Variants in MLLT10 observed in about 807,000 individuals in gnomAD.
The protein encoded by MLLT10 is protein AF-10.
MLLT10 carries 30 observed loss-of-function variants against 129.1 expected under a neutral mutation model. The ratio of observed to expected loss-of-function variants is 0.23; its 90% CI spans 0.17 to 0.32. The LOEUF is 0.32. Among genes scored for constraint, MLLT10 ranks in the 10% least tolerant of loss-of-function variants. MLLT10 has a pLI of 1.00. For missense variants in MLLT10, 1,119 were observed against 1,268.3 expected, an observed-to-expected ratio of 0.88 and a Z score of 1.79; for synonymous variants, 490 against 446.4, an observed-to-expected ratio of 1.10 and a Z score of -1.23.
intron 3 of MLLT10, among the ~76,000 whole-genome samples, chr10:21,554,820 CTT>C (rs1588900332): frequency 6.6e-6 from 1 of 150,838 alleles, no homozygotes; most frequent in East Asian, 2.0e-4. Flanking sequence ...GTTTTTCTTT[CTT>C]TCTTTCTTTT....
rs531570323 is a variant in MLLT10, at chr10:21,588,295, G to A, written c.295+1947G>A. On this transcript the variant is annotated intron_variant, in intron 4 of 22. Coordinates refer to ENST00000307729, the MANE Select transcript of MLLT10 (RefSeq NM_001195626.3). Reference sequence around the variant, plus strand: ...TTGGCCAGGCTGGTGTTGAACTCCTGACCTCAAATGATCCTACTGCCTCGG... The same window carrying A: ...TTGGCCAGGCTGGTGTTGAACTCCTAACCTCAAATGATCCTACTGCCTCGG... Among the ~76,000 whole-genome samples, 7 of 152,240 alleles carry A rather than the reference G, an allele frequency of 4.6e-5. No individual in the cohort carries two copies. In the South Asian group the frequency reaches 1.5e-3, roughly 32 times the overall value.
chr10:21,575,680 T>C (rs929858611), intron 3 of MLLT10, among the ~76,000 whole-genome samples: 2 of 152,174 alleles, frequency 1.3e-5, no homozygotes, highest in African/African-American at 4.8e-5. Context: ...TAGATTATTA[T>C]TATTATTTTT....
chr10:21,660,871 C>CAAA (rs770411226), intron 9 of MLLT10, among the ~76,000 whole-genome samples: 6 of 81,376 alleles, frequency 7.4e-5, no homozygotes, highest in African/African-American at 1.6e-4. Flanking sequence ...AACTCTGTCT[C>CAAA]AAAAAAAAAA....
Position 21,586,846 on chromosome 10 carries a change from C to A in MLLT10, c.295+498C>A, listed in dbSNP as rs113177460. Among the ~76,000 whole-genome samples, 204 of 151,564 alleles carry A rather than the reference C, an allele frequency of 1.3e-3. 2 individuals carry two copies. Among genetic ancestry groups the A allele is most frequent in the African/African-American group, 4.6e-3 (191 of 41,288 alleles). On this transcript the variant is annotated intron_variant, in intron 4 of 22. Coordinates refer to ENST00000307729, the MANE Select transcript of MLLT10 (RefSeq NM_001195626.3). ...AGGTTGCAGTGAGCTGAGATTATAC[C>A]ATTGCCCATTAGCCTGCGTGACAGA...
chr10:21,683,319 A>G (rs72802914), intron 13 of MLLT10, among the ~76,000 whole-genome samples: 4,350 of 152,222 alleles, frequency 0.029, 86 homozygotes, highest in Middle Eastern at 0.085. Context: ...GATAATGAAT[A>G]CTCTTGATAA....
chr10:21,534,481 C>G lies in MLLT10; in HGVS notation c.-40C>G. ...GAATCAGCAAGGACATGGCTCCTGACTCCTGTGCGGAACGTGAGTGACTGA... is the reference window on the plus strand; with the variant it reads ...GAATCAGCAAGGACATGGCTCCTGAGTCCTGTGCGGAACGTGAGTGACTGA... On this transcript the variant is annotated 5_prime_UTR_variant, in exon 1 of 23. Coordinates refer to ENST00000307729, the MANE Select transcript of MLLT10 (RefSeq NM_001195626.3). The G allele has an allele frequency of 1.5e-6, 1 of 665,286 alleles. No homozygotes were observed. The allele number at this position is 665,286 out of a possible 1,614,324, so 41.2% of individuals were successfully genotyped here.
intron 2 of MLLT10, 82 bp downstream of exon 2, chr10:21,534,886 C>T (rs969668331): frequency 7.2e-5 from 72 of 997,828 alleles, no homozygotes; most frequent in South Asian, 5.5e-4. Context: ...CAACCGCCGG[C>T]GCCCCCGCCC....
chr10:21,675,793 G>A (rs997984333), intron 11 of MLLT10, among the ~76,000 whole-genome samples: 2 of 151,996 alleles, frequency 1.3e-5, no homozygotes, highest in Non-Finnish European at 2.9e-5. Context: ...GCATAGTCTG[G>A]GAATTCCTGA....
chr10:21,626,159 C>G, intron 8 of MLLT10: 3 of 1,610,048 alleles, frequency 1.9e-6, no homozygotes, highest in Non-Finnish European at 2.5e-6. Context: ...TAAAAATGCA[C>G]TTTTGTTCTG....
intron 3 of MLLT10, among the ~76,000 whole-genome samples, chr10:21,540,786 A>G (rs2035011437): frequency 6.6e-6 from 1 of 152,178 alleles, no homozygotes; most frequent in Non-Finnish European, 1.5e-5. Context: ...CTGAAGGTAG[A>G]GAACAAACAT....
intron 8 of MLLT10, among the ~76,000 whole-genome samples, chr10:21,651,039 G>T (rs1468983876): frequency 7.4e-5 from 11 of 148,430 alleles, no homozygotes; most frequent in Non-Finnish European, 1.5e-4. Context: ...TGGTGGTTGT[G>T]TTGTTTTGTT....
intron 9 of MLLT10, among the ~76,000 whole-genome samples, chr10:21,662,175 T>A (rs969626324): frequency 7.2e-5 from 11 of 152,276 alleles, no homozygotes; most frequent in African/African-American, 2.6e-4. Context: ...AGCATGGAGG[T>A]GTACTTCCCT....
At chr10:21,678,397 C>T (rs531226466) in intron 11 of MLLT10, among the ~76,000 whole-genome samples, 9 of 152,176 alleles carry the variant, frequency 5.9e-5, no homozygotes, top group African/African-American at 2.2e-4. Context: ...GCCACTGGGC[C>T]CAGCTATTTT....
chr10:21,588,946 C>A (rs1323711704), intron 4 of MLLT10, among the ~76,000 whole-genome samples: 1 of 151,792 alleles, frequency 6.6e-6, no homozygotes, highest in Non-Finnish European at 1.5e-5. Flanking sequence ...GCCTCACTCA[C>A]CCGAATAGCT....
intron 21 of MLLT10, chr10:21,738,646 T>C (rs2058580972): frequency 1.2e-6 from 1 of 828,324 alleles, no homozygotes; most frequent in African/African-American, 1.8e-5. Flanking sequence ...GCATGTTTGC[T>C]AAATCCAGTG....
chr10:21,576,870 A>G (rs2131055992), intron 3 of MLLT10, among the ~76,000 whole-genome samples: 1 of 152,152 alleles, frequency 6.6e-6, no homozygotes, highest in Middle Eastern at 3.4e-3. Flanking sequence ...ACCTCAGGTG[A>G]ATCGCCCGCC....
At position 21,578,372 on chromosome 10, in the gene MLLT10, A is replaced by G. The variant is rs183569457; in HGVS notation, c.241-7922A>G. ...GAGCTCTGTATCCTGGATACAAACT[A>G]CTTGTCAGACATGCGACTTGTAGAC... On this transcript the variant is annotated intron_variant, in intron 3 of 22. Transcript: ENST00000307729. 3.9e-5 allele frequency among the ~76,000 whole-genome samples: 6 copies of G among 152,264 alleles called. No homozygotes were observed. In the East Asian group the frequency reaches 1.2e-3, roughly 29 times the overall value.
At chr10:21,557,027 C>G (rs2038114723) in intron 3 of MLLT10, 1 of 1,452,000 alleles carries the variant, frequency 6.9e-7, no homozygotes, top group Non-Finnish European at 9.0e-7. Flanking sequence ...TACTAGTCTT[C>G]AGTCTATCCT....
intron 14 of MLLT10, among the ~76,000 whole-genome samples, chr10:21,717,732 TCCTCTTCC>T (rs1252958774): frequency 8.5e-6 from 1 of 116,982 alleles, no homozygotes; most frequent in African/African-American, 3.3e-5. Flanking sequence ...CTCCTCCTCC[TCCTCTTCC>T]TCCTCCTCTT....
Sources: allele counts gnomAD v4.1 joint callset (sites outside exome capture counted in the v4.1 genomes callset), GRCh38; gene constraint gnomAD v4.1.1; transcripts MANE v1.5; gene names NCBI Gene and HGNC (gene_info 2026-07-23, HGNC 2026-07-21).